The following KSR1 variants were observed in gnomAD, a reference collection of about 807,000 sequenced individuals.
The protein encoded by KSR1 is kinase suppressor of ras 1.
KSR1 carries 35 observed loss-of-function variants against 92.9 expected under a neutral mutation model. The ratio of observed to expected loss-of-function variants is 0.38; its 90% CI spans 0.29 to 0.50. KSR1 has a LOEUF of 0.50. KSR1 is among the 20% of genes least tolerant of loss of function. The pLI is 0.94. For synonymous variants in KSR1, 467 were observed against 472.6 expected, an observed-to-expected ratio of 0.99 and a Z score of 0.15; for missense variants, 972 against 1,158.5, an observed-to-expected ratio of 0.84 and a Z score of 2.34.
intron 2 of KSR1, among the ~76,000 whole-genome samples, chr17:27,564,679 C>T (rs2071986691): frequency 6.6e-6 from 1 of 151,606 alleles, no homozygotes; most frequent in Non-Finnish European, 1.5e-5. Context: ...CTCTGATTGG[C>T]TTGGCTTTGA....
chr17:27,589,734 A>T (rs1315794107), intron 6 of KSR1, among the ~76,000 whole-genome samples: 1 of 151,944 alleles, frequency 6.6e-6, no homozygotes, highest in Non-Finnish European at 1.5e-5. Context: ...GACACCACCC[A>T]CTCAGCCCCC....
At chr17:27,498,800 G>T (rs2069081210) in intron 1 of KSR1, among the ~76,000 whole-genome samples, 1 of 152,188 alleles carries the variant, frequency 6.6e-6, no homozygotes, top group African/African-American at 2.4e-5. Flanking sequence ...TGCGCCTCAG[G>T]TGATGCGGTT....
intron 9 of KSR1, among the ~76,000 whole-genome samples, chr17:27,595,157 C>T (rs1330245833): frequency 6.6e-6 from 1 of 152,202 alleles, no homozygotes; most frequent in Non-Finnish European, 1.5e-5. Context: ...CCCAACTTGG[C>T]CTCAACTTCT....
chr17:27,458,878 C>G (rs1161490309), intron 1 of KSR1, among the ~76,000 whole-genome samples: 2 of 152,170 alleles, frequency 1.3e-5, no homozygotes, highest in East Asian at 3.9e-4. Flanking sequence ...ACCTGCAAAA[C>G]AAGGAGGCTG....
Position 27,603,736 on chromosome 17 carries a change from A to G in KSR1, c.1511-98A>G, listed in dbSNP as rs1251941964. 4 of 1,220,978 alleles carry G rather than the reference A, an allele frequency of 3.3e-6. No individual in the cohort carries two copies. The East Asian group carries it at 7.2e-5, about 22-fold the overall frequency. 75.6% of individuals were successfully genotyped at this position (1,220,978 alleles called of 1,614,324 possible). On this transcript the variant is annotated intron_variant, in intron 11 of 20. Transcript: ENST00000644974. ...AACATGTGGCAGTCCACTCAGGGGA[A>G]AATCAGCCTCTCTGGGGGTGCTGGG...
intron 1 of KSR1, among the ~76,000 whole-genome samples, chr17:27,488,174 A>G (rs559763081): frequency 1.3e-5 from 2 of 152,350 alleles, no homozygotes; most frequent in Non-Finnish European, 2.9e-5. Context: ...GAAATATCAT[A>G]CATTCAAAAC....
intron 1 of KSR1, among the ~76,000 whole-genome samples, chr17:27,479,271 T>C (rs909241534): frequency 6.0e-5 from 9 of 150,610 alleles, no homozygotes; most frequent in African/African-American, 2.0e-4. Flanking sequence ...TCCATGCTTG[T>C]GCATCTGTGC....
chr17:27,562,624 A>T (rs1488493168), intron 2 of KSR1, among the ~76,000 whole-genome samples: 1 of 152,248 alleles, frequency 6.6e-6, no homozygotes, highest in Non-Finnish European at 1.5e-5. Flanking sequence ...GGACCACCTC[A>T]AAGGCAAGAT....
At chr17:27,501,455 G>A (rs2069186714) in intron 1 of KSR1, among the ~76,000 whole-genome samples, 1 of 151,982 alleles carries the variant, frequency 6.6e-6, no homozygotes, top group Non-Finnish European at 1.5e-5. Context: ...TGGAGAAAAT[G>A]TCTCCAGGGC....
At chr17:27,615,361 G>A (rs1009034955) in intron 18 of KSR1, among the ~76,000 whole-genome samples, 4 of 152,168 alleles carry the variant, frequency 2.6e-5, no homozygotes, top group African/African-American at 9.7e-5. Context: ...TGATTCACTG[G>A]GATTACATTT....
chr17:27,526,426 G>T, intron 1 of KSR1: 2 of 1,555,198 alleles, frequency 1.3e-6, no homozygotes, highest in South Asian at 1.2e-5. Context: ...TGAGGAAGCA[G>T]GCCATTCCTT....
At chr17:27,500,537 T>C (rs1025722705) in intron 1 of KSR1, among the ~76,000 whole-genome samples, 4 of 152,200 alleles carry the variant, frequency 2.6e-5, no homozygotes, top group South Asian at 2.1e-4. Flanking sequence ...CCAGGCCTCA[T>C]TGAGATGTTC....
At position 27,456,811 on chromosome 17, in the gene KSR1, C is replaced by A. The variant is rs1348031159; in HGVS notation, c.168C>A (p.Arg56=). ...KLIDISIGSL[R]GLRTKCAVSN... ...TCGACATCTCCATCGGCAGCCTGCG[C>A]GGGCTGCGCACCAAGTGCGCTGTGT... Residue 56 remains arginine, a synonymous_variant, in exon 1 of 21, where the codon CGC becomes CGA. Coordinates refer to ENST00000644974, the MANE Select transcript of KSR1 (RefSeq NM_001394583.1). The A allele has an allele frequency of 5.3e-6, 8 of 1,519,558 alleles. No individual in the cohort carries two copies. The highest frequency in any genetic ancestry group is 6.3e-6 in the Non-Finnish European group (7 of 1,109,978). 94.1% of individuals were successfully genotyped at this position (1,519,558 alleles called of 1,614,324 possible).
chr17:27,465,576 A>T (rs2019657616), intron 1 of KSR1: 1 of 152,208 alleles, frequency 6.6e-6, no homozygotes, highest in Admixed American at 6.5e-5. Flanking sequence ...AATTTTTAAA[A>T]AAGGGGGGAA....
At chr17:27,486,392 C>T (rs1002120769) in intron 1 of KSR1, among the ~76,000 whole-genome samples, 6 of 152,190 alleles carry the variant, frequency 3.9e-5, no homozygotes, top group African/African-American at 1.4e-4. Context: ...CAACCCCATC[C>T]ACCCCGCCAA....
Position 27,551,726 on chromosome 17 carries a change from G to C in KSR1, c.372+1018G>C, listed in dbSNP as rs543378763. On this transcript the variant is annotated intron_variant, in intron 2 of 20. Transcript: ENST00000644974. ...CCCTTGCTCTTACCTGTGTGGGCAA[G>C]GCCCTGTGGCTCTCCCCCAAGGCAC... is the stretch of plus-strand genomic sequence containing the variant. Among the ~76,000 whole-genome samples the C allele has an allele frequency of 1.4e-3, 215 of 152,222 alleles. 3 individuals are homozygous for C. Among genetic ancestry groups the C allele is most frequent in the African/African-American group, 5.0e-3 (207 of 41,534 alleles).
intron 1 of KSR1, among the ~76,000 whole-genome samples, chr17:27,470,655 C>T (rs374863467): frequency 7.2e-5 from 11 of 152,106 alleles, no homozygotes; most frequent in African/African-American, 2.7e-4. Flanking sequence ...GGAGTACAGG[C>T]GTGAGCCACC....
At position 27,592,536 on chromosome 17, in the gene KSR1, G is replaced by A. The variant is rs752436216; in HGVS notation, c.1209G>A (p.Arg403=). ...TTCAAACAGTAACTCGGCTTCGGAG[G>A]ACAGAATCTGTCCCCTCGGACATCA... ...ISFLPLTRLR[R]TESVPSDINN... is the part of the protein sequence containing the mutation. Residue 403 remains arginine (R), a synonymous_variant, in exon 9 of 21, where the codon AGG becomes AGA. Transcript: ENST00000644974. 1 of 1,613,932 alleles carries A rather than the reference G, an allele frequency of 6.2e-7. No homozygotes were observed. Among genetic ancestry groups the A allele is most frequent in the Admixed American group, 1.7e-5 (1 of 60,008 alleles).
intron 1 of KSR1, among the ~76,000 whole-genome samples, chr17:27,484,484 G>T (rs1025035383): frequency 1.3e-5 from 2 of 152,178 alleles, no homozygotes; most frequent in African/African-American, 2.4e-5. Context: ...TGCCTGCCTC[G>T]TGCTGGGCAT....
Sources: gnomAD v4.1 joint callset for allele counts (sites outside exome capture counted in the v4.1 genomes callset) on GRCh38, gnomAD v4.1.1 for gene constraint, MANE v1.5 for transcripts, NCBI Gene and HGNC (gene_info 2026-07-23, HGNC 2026-07-21) for gene names.